Variants in DDX19B observed in about 807,000 individuals in gnomAD.
DDX19B encodes ATP-dependent RNA helicase DDX19B.
Under a neutral mutation model 58.1 loss-of-function variants are expected in DDX19B, and 27 were observed. That is an observed-to-expected ratio of 0.46 (90% CI 0.34 to 0.64). DDX19B has a LOEUF of 0.64. DDX19B is among the 30% of genes least tolerant of loss of function. DDX19B has a pLI of 0.01. For missense variants in DDX19B, 399 were observed against 596.5 expected (o/e 0.67, Z 3.45); for synonymous variants, 187 against 214.4 (o/e 0.87, Z 1.12).
upstream of DDX19B, chr16:70,299,034 A>G: frequency 1.2e-6 from 1 of 829,276 alleles, no homozygotes; most frequent in Non-Finnish European, 1.6e-6. Context: ...TAGGCATTTT[A>G]AGATAACTAC....
chr16:70,306,312 T>C (rs1961750752), intron 1 of DDX19B, among the ~76,000 whole-genome samples: 1 of 152,066 alleles, frequency 6.6e-6, no homozygotes, highest in Non-Finnish European at 1.5e-5. Context: ...CCACCACACC[T>C]GGCAAATTTT....
At chr16:70,294,079 T>C (rs1349103979), upstream of DDX19B, among the ~76,000 whole-genome samples, 1 of 128,404 alleles carries the variant, frequency 7.8e-6, no homozygotes, top group African/African-American at 3.0e-5. Context: ...TGAATTTTTT[T>C]TTTTTTTTTT....
chr16:70,289,996 A>G (rs1188388349), upstream of DDX19B: 2 of 326,356 alleles, frequency 6.1e-6, no homozygotes, highest in East Asian at 1.6e-4. Flanking sequence ...AAGAAATAAC[A>G]TCAGTAGTTC....
chr16:70,295,912 T>A (rs1040682891), upstream of DDX19B, among the ~76,000 whole-genome samples: 9 of 151,292 alleles, frequency 5.9e-5, no homozygotes, highest in African/African-American at 2.2e-4. Flanking sequence ...GGAAAATAAT[T>A]TCAGAGGATA....
At chr16:70,308,523 C>A (rs1961899367) in intron 1 of DDX19B, among the ~76,000 whole-genome samples, 1 of 152,124 alleles carries the variant, frequency 6.6e-6, no homozygotes, top group African/African-American at 2.4e-5. Context: ...AGGAATGAGC[C>A]ACCATGCCCA....
rs543329208 is a variant in DDX19B, at chr16:70,332,143, T to G, written c.1186+259T>G. 2.0e-5 allele frequency among the ~76,000 whole-genome samples: 3 copies of G among 152,334 alleles called. No individual in the cohort carries two copies. In the East Asian group the frequency reaches 5.8e-4, roughly 29 times the overall value. On this transcript the variant is annotated intron_variant, in intron 10 of 11. Transcript: ENST00000288071. The stretch of plus-strand genomic sequence containing the variant: ...AGAACAGAGCCTGCTCTTCCAGGGA[T>G]GCCCATCTCCAGAACATTGTGTCTC...
At chr16:70,322,454 G>T (rs538219656) in intron 5 of DDX19B, among the ~76,000 whole-genome samples, 90 of 152,028 alleles carry the variant, frequency 5.9e-4, no homozygotes, top group Non-Finnish European at 1.0e-3. Flanking sequence ...AGCCATGCAT[G>T]GTGGTGCATA....
At chr16:70,314,877 T>C in intron 2 of DDX19B, 25 bp from the exon 3 acceptor site, 3 of 1,607,058 alleles carry the variant, frequency 1.9e-6, no homozygotes, top group Non-Finnish European at 2.6e-6. Context: ...CGATTTTGAA[T>C]GATGGCCACT....
intron 4 of DDX19B, 94 bp from the exon 5 acceptor site, chr16:70,317,400 CTA>C (rs1262037828): frequency 1.1e-6 from 1 of 907,600 alleles, no homozygotes; most frequent in Non-Finnish European, 1.7e-6. Context: ...AAACAAAAAA[CTA>C]TGTGTAAACA....
rs550652056 is a variant in DDX19B, at chr16:70,313,784, C to T, written c.107-1118C>T. ...ATCTTTTTTGTATGATTTTATATAA[C>T]CACAGTATCATTCGACTATAAATTT... On this transcript the variant is annotated intron_variant, in intron 2 of 11. Transcript: ENST00000288071. Among the ~76,000 whole-genome samples the T allele has an allele frequency of 2.6e-5, 4 of 152,194 alleles. No homozygotes were observed. The East Asian group carries it at 7.7e-4, about 29-fold the overall frequency.
chr16:70,297,668 C>A (rs542232056), upstream of DDX19B, among the ~76,000 whole-genome samples: 1 of 152,236 alleles, frequency 6.6e-6, no homozygotes, highest in Admixed American at 6.5e-5. Context: ...GAAAGCAGTT[C>A]TTTCATTTAA....
intron 5 of DDX19B, among the ~76,000 whole-genome samples, chr16:70,322,977 T>C (rs1962928986): frequency 6.7e-6 from 1 of 149,538 alleles, no homozygotes; most frequent in Admixed American, 6.7e-5. Context: ...CCGGGGGCCC[T>C]CCCCATGGTT....
intron 5 of DDX19B, among the ~76,000 whole-genome samples, chr16:70,323,220 T>C (rs1962946845): frequency 6.6e-6 from 1 of 151,732 alleles, no homozygotes; most frequent in African/African-American, 2.4e-5. Flanking sequence ...GATCCTCACA[T>C]GTCAGCCTCC....
At chr16:70,331,929 C>T in intron 10 of DDX19B, 45 bp downstream of exon 10, 1 of 1,602,052 alleles carries the variant, frequency 6.2e-7, no homozygotes, top group Non-Finnish European at 8.5e-7. Context: ...GCTTGGGGTC[C>T]CAGGCCCAGT....
chr16:70,294,789 G>T (rs146441809), upstream of DDX19B: 308 of 1,362,762 alleles, frequency 2.3e-4, 2 homozygotes, highest in East Asian at 8.0e-3. Flanking sequence ...TGAGGCTCCG[G>T]CTTGGCCAGT....
chr16:70,290,110 A>T (rs886128380), upstream of DDX19B: 1 of 203,620 alleles, frequency 4.9e-6, no homozygotes, highest in Non-Finnish European at 1.1e-5. Context: ...ATATACATAT[A>T]CATATATACA....
intron 2 of DDX19B, 84 bp downstream of exon 2, chr16:70,312,741 T>C (rs1962158258): frequency 2.5e-6 from 3 of 1,178,404 alleles, no homozygotes; most frequent in African/African-American, 3.1e-5. Context: ...TGGAAAAAAA[T>C]TTGTATTTGT....
intron 9 of DDX19B, among the ~76,000 whole-genome samples, chr16:70,330,955 G>C (rs1963451664): frequency 6.6e-6 from 1 of 152,142 alleles, no homozygotes; most frequent in South Asian, 2.1e-4. Flanking sequence ...TCAGATGGGA[G>C]GATTGATTGA....
At chr16:70,319,421 C>T (rs548812967) in intron 5 of DDX19B, among the ~76,000 whole-genome samples, 1 of 152,206 alleles carries the variant, frequency 6.6e-6, no homozygotes, top group Non-Finnish European at 1.5e-5. Flanking sequence ...TGAGTGTCAA[C>T]ATTTCTAATA....
Sources: gnomAD v4.1 joint callset for allele counts (sites outside exome capture counted in the v4.1 genomes callset) on GRCh38, gnomAD v4.1.1 for gene constraint, MANE v1.5 for transcripts, NCBI Gene and HGNC (gene_info 2026-07-23, HGNC 2026-07-21) for gene names.